TMX4: variants seen among roughly 807,000 people sequenced by gnomAD.
The protein encoded by TMX4 is thioredoxin-related transmembrane protein 4.
Under a neutral mutation model 33.3 loss-of-function variants are expected in TMX4, and 23 were observed. That is an observed-to-expected ratio of 0.69 (90% confidence interval 0.50 to 0.98). The LOEUF (loss-of-function observed/expected upper bound fraction) is 0.98, where lower values mean the gene tolerates loss of function less well. Ranked by LOEUF, TMX4 falls within the 50% of genes least tolerant of loss-of-function variation. The pLI, the probability that TMX4 is intolerant of heterozygous loss-of-function variation, is 0.00. For missense variants in TMX4, 399 were observed against 448.9 expected (o/e 0.89, Z 1.01); for synonymous variants, 164 against 161.5 (o/e 1.02, Z -0.12).
At chr20:8,009,423 G>A (rs2050743340) in intron 2 of TMX4, among the ~76,000 whole-genome samples, 1 of 151,980 alleles carries the variant, frequency 6.6e-6, no homozygotes, top group African/African-American at 2.4e-5. Context: ...GAGCATCATG[G>A]ATCTTAAAAC....
At chr20:8,016,468 C>T (rs1054575927) in intron 1 of TMX4, among the ~76,000 whole-genome samples, 2 of 152,136 alleles carry the variant, frequency 1.3e-5, no homozygotes, top group African/African-American at 4.8e-5. Flanking sequence ...AGAATAGAAA[C>T]GGTGAATTAC....
At chr20:8,012,365 C>T (rs1003186138) in intron 1 of TMX4, among the ~76,000 whole-genome samples, 1 of 152,092 alleles carries the variant, frequency 6.6e-6, no homozygotes, top group Non-Finnish European at 1.5e-5. Flanking sequence ...ATACAAATTT[C>T]ATTTGTAATA....
At chr20:7,999,207 G>A (rs1384579516) in intron 4 of TMX4, among the ~76,000 whole-genome samples, 1 of 152,070 alleles carries the variant, frequency 6.6e-6, no homozygotes, top group East Asian at 1.9e-4. Flanking sequence ...ACCAACTGTG[G>A]AAAAAGCTGT....
intron 2 of TMX4, 103 bp downstream of exon 2, chr20:8,010,097 G>A: frequency 2.3e-6 from 2 of 872,638 alleles, no homozygotes; most frequent in Non-Finnish European, 1.8e-6. Context: ...GCCAGTTCAT[G>A]GGTAATCAAT....
At chr20:7,988,337 T>TTA (rs2050639373) in intron 5 of TMX4, among the ~76,000 whole-genome samples, 1 of 152,254 alleles carries the variant, frequency 6.6e-6, no homozygotes, top group Admixed American at 6.5e-5. Flanking sequence ...TCCAAGTTTC[T>TTA]ATTTTAATTT....
chr20:7,979,593 G>C lies in TMX4; in HGVS notation c.*2658C>G, dbSNP rs1031366675. 2.0e-5 allele frequency: 3 copies of C among 152,074 alleles called. No individual in the cohort carries two copies. Among genetic ancestry groups the C allele is most frequent in the African/African-American group, 7.2e-5 (3 of 41,380 alleles). 9.4% of individuals were successfully genotyped at this position (152,074 alleles called of 1,614,324 possible). Reference sequence around the variant, plus strand: ...CGTCTCTACTAAAAATACAAAATTAGCCAGGCATGGTGGCACATGCCTGTA... The same window carrying C: ...CGTCTCTACTAAAAATACAAAATTACCCAGGCATGGTGGCACATGCCTGTA... On this transcript the variant is annotated 3_prime_UTR_variant, in exon 8 of 8. Coordinates refer to ENST00000246024, the MANE Select transcript of TMX4 (RefSeq NM_021156.4).
At chr20:7,999,442 A>G (rs578072491) in intron 4 of TMX4, among the ~76,000 whole-genome samples, 33 of 152,338 alleles carry the variant, frequency 2.2e-4, no homozygotes, top group Middle Eastern at 6.8e-3. Context: ...GTTCAATACC[A>G]TATTTTGTAA....
chr20:7,993,959 A>G lies in TMX4; in HGVS notation c.513+2067T>C, dbSNP rs753617770. ...AGTTAAAAGAATTATATCTTGCTATATACTTTTTATAAGATTTATTTAAAA... is the reference window on the plus strand; with the variant it reads ...AGTTAAAAGAATTATATCTTGCTATGTACTTTTTATAAGATTTATTTAAAA... On this transcript the variant is annotated intron_variant, in intron 5 of 7. Transcript: ENST00000246024. Among the ~76,000 whole-genome samples, 78 of 152,308 alleles carry G rather than the reference A, an allele frequency of 5.1e-4. 1 individual carries two copies. In the Middle Eastern group the frequency reaches 0.01, roughly 20 times the overall value.
At chr20:7,985,909 T>C (rs2050629237) in intron 6 of TMX4, among the ~76,000 whole-genome samples, 3 of 152,124 alleles carry the variant, frequency 2.0e-5, no homozygotes, top group South Asian at 4.2e-4. Context: ...AAAGTCAACA[T>C]CAAAAATAAT....
chr20:7,983,881 C>T (rs1267997994), intron 6 of TMX4, 24 bp from the exon 7 acceptor site: 5 of 1,592,316 alleles, frequency 3.1e-6, no homozygotes, highest in Admixed American at 3.4e-5. Flanking sequence ...AGTGATTTTA[C>T]AGTGAATAGA....
At chr20:8,008,474 C>A (rs2050739563) in intron 2 of TMX4, among the ~76,000 whole-genome samples, 1 of 151,840 alleles carries the variant, frequency 6.6e-6, no homozygotes, top group Non-Finnish European at 1.5e-5. Context: ...ATCAAGAAAA[C>A]CTAATCAATT....
chr20:8,018,485 A>AGGGG (rs2050792252), intron 1 of TMX4, among the ~76,000 whole-genome samples: 1 of 19,404 alleles, frequency 5.2e-5, no homozygotes, highest in Non-Finnish European at 7.9e-5. Flanking sequence ...GGAGGGGGAG[A>AGGGG]GAGAGAGAGA....
At chr20:8,017,056 G>A (rs2050778531) in intron 1 of TMX4, among the ~76,000 whole-genome samples, 1 of 152,128 alleles carries the variant, frequency 6.6e-6, no homozygotes, top group Non-Finnish European at 1.5e-5. Context: ...CAGGCCTCTA[G>A]TGGTATGGAG....
At chr20:8,005,833 A>T (rs917439133) in intron 2 of TMX4, among the ~76,000 whole-genome samples, 1 of 151,958 alleles carries the variant, frequency 6.6e-6, no homozygotes, top group Non-Finnish European at 1.5e-5. Context: ...GGGTGGCCCA[A>T]CTCCAGGGGA....
At chr20:7,992,686 T>C (rs2050660163) in intron 5 of TMX4, among the ~76,000 whole-genome samples, 1 of 152,142 alleles carries the variant, frequency 6.6e-6, no homozygotes, top group Non-Finnish European at 1.5e-5. Flanking sequence ...CAGGTGATCC[T>C]AGAATCTTGA....
Position 7,978,730 on chromosome 20 carries a change from GCCCTGT to G in TMX4, c.*3515_*3520del, listed in dbSNP as rs1305757092. 4 of 152,138 alleles carry G rather than the reference GCCCTGT, an allele frequency of 2.6e-5. No individual in the cohort carries two copies. The highest frequency in any genetic ancestry group is 7.2e-5 in the African/African-American group (3 of 41,406). 9.4% of individuals were successfully genotyped at this position (152,138 alleles called of 1,614,324 possible). A position where few individuals can be genotyped will look rare whatever the true frequency, so the allele number is the denominator to read the frequency against. On this transcript the variant is annotated 3_prime_UTR_variant, in exon 8 of 8. Coordinates refer to ENST00000246024, the MANE Select transcript of TMX4 (RefSeq NM_021156.4). ...GTGCAAGGCCCTGTGAACCCAACAG[GCCCTGT>G]CCCTCATCCCATCCAATGACTATAC...
chr20:7,986,867 G>C (rs1421240672), intron 6 of TMX4, among the ~76,000 whole-genome samples: 1 of 152,064 alleles, frequency 6.6e-6, no homozygotes, highest in Non-Finnish European at 1.5e-5. Context: ...TTAACTGGAG[G>C]ATAAGAACAA....
chr20:8,008,058 C>T (rs1006773213), intron 2 of TMX4, among the ~76,000 whole-genome samples: 1 of 152,068 alleles, frequency 6.6e-6, no homozygotes, highest in Non-Finnish European at 1.5e-5. Flanking sequence ...TGAATAAACA[C>T]GTTACTTCTA....
intron 4 of TMX4, among the ~76,000 whole-genome samples, chr20:7,997,191 A>C (rs1366905008): frequency 1.3e-5 from 2 of 152,034 alleles, no homozygotes; most frequent in Non-Finnish European, 2.9e-5. Flanking sequence ...CTCATCCCCA[A>C]GTACTCTTCT....
Sources: gnomAD v4.1 joint callset for allele counts (sites outside exome capture counted in the v4.1 genomes callset) on GRCh38, gnomAD v4.1.1 for gene constraint, MANE v1.5 for transcripts, NCBI Gene and HGNC (gene_info 2026-07-23, HGNC 2026-07-21) for gene names.